RNF169: variants seen among roughly 807,000 people sequenced by gnomAD.
RNF169 encodes E3 ubiquitin-protein ligase RNF169.
Under a neutral mutation model 53.9 loss-of-function variants are expected in RNF169, and 24 were observed. The ratio of observed to expected loss-of-function variants is 0.45; its 90% CI spans 0.32 to 0.63. RNF169 has a LOEUF of 0.63. RNF169 is among the 20% of genes least tolerant of loss of function. The probability of loss-of-function intolerance (pLI) is 0.04; values close to 1 mark genes in which losing one functional copy is unlikely to be tolerated. For missense variants in RNF169, 883 were observed against 906.2 expected (o/e 0.97, Z 0.33); for synonymous variants, 396 against 363.5 (o/e 1.09, Z -1.02).
intron 2 of RNF169, among the ~76,000 whole-genome samples, chr11:74,792,000 T>C (rs1368781900): frequency 6.6e-6 from 1 of 152,234 alleles, no homozygotes; most frequent in African/African-American, 2.4e-5. Flanking sequence ...TTTCACTGAA[T>C]GAAAAATCAG....
In RNF169 at chr11:74,834,779, C is replaced by T. The variant is rs1193616199; in HGVS notation, c.942+4C>T. ...AGTTCCAGGCAACAAAGCCAAGGTACACCTCAGCCACAGACCTCCGGGGCT... is the reference window on the plus strand; with the variant it reads ...AGTTCCAGGCAACAAAGCCAAGGTATACCTCAGCCACAGACCTCCGGGGCT... On this transcript the variant is annotated splice_donor_region_variant and intron_variant, in intron 5 of 5. Transcript: ENST00000299563. 1 of 1,609,074 alleles carries T rather than the reference C, an allele frequency of 6.2e-7. No individual in the cohort carries two copies. The highest frequency in any genetic ancestry group is 2.2e-5 in the East Asian group (1 of 44,832).
chr11:74,821,380 C>T lies in RNF169; in HGVS notation c.842+3666C>T, dbSNP rs1034234702. Among the ~76,000 whole-genome samples, 4 of 130,678 alleles carry T rather than the reference C, an allele frequency of 3.1e-5. 1 individual carries two copies. The highest frequency in any genetic ancestry group is 2.1e-4 in the East Asian group (1 of 4,784). 85.7% of individuals were successfully genotyped at this position (130,678 alleles called of 152,430 possible). On this transcript the variant is annotated intron_variant, in intron 4 of 5. Transcript: ENST00000299563. ...TCAGTAAAAGAATACAAGTGCGGGC[C>T]GGGCGCGGTGGCTCACGCCTGTAAT...
At chr11:74,764,441 G>T (rs1292376851) in intron 1 of RNF169, among the ~76,000 whole-genome samples, 2 of 152,152 alleles carry the variant, frequency 1.3e-5, no homozygotes, top group East Asian at 3.9e-4. Context: ...CAGGAGAATC[G>T]CTGAACCCAG....
At chr11:74,818,063 T>A (rs1415684260) in intron 4 of RNF169, among the ~76,000 whole-genome samples, 1 of 152,184 alleles carries the variant, frequency 6.6e-6, no homozygotes, top group Non-Finnish European at 1.5e-5. Context: ...CAGAACTGAT[T>A]TTCTTTTCAA....
chr11:74,801,875 C>T (rs2035736009), intron 2 of RNF169, among the ~76,000 whole-genome samples: 1 of 152,316 alleles, frequency 6.6e-6, no homozygotes, highest in East Asian at 1.9e-4. Flanking sequence ...CCATTATTAG[C>T]TTGTGAAACC....
At chr11:74,793,924 A>G (rs991824034) in intron 2 of RNF169, among the ~76,000 whole-genome samples, 1 of 152,068 alleles carries the variant, frequency 6.6e-6, no homozygotes, top group Non-Finnish European at 1.5e-5. Context: ...GACCCCTTAT[A>G]TGCTTACTTA....
intron 4 of RNF169, among the ~76,000 whole-genome samples, chr11:74,821,039 G>A (rs1266593241): frequency 2.0e-5 from 3 of 152,188 alleles, no homozygotes; most frequent in Non-Finnish European, 4.4e-5. Flanking sequence ...ACTCATTAGA[G>A]TACAGAGAAG....
At chr11:74,807,723 G>A (rs899284177) in intron 2 of RNF169, 2 of 152,092 alleles carry the variant, frequency 1.3e-5, no homozygotes, top group African/African-American at 2.4e-5. Flanking sequence ...GAACATAGAA[G>A]AGTTCAACAA....
intron 2 of RNF169, among the ~76,000 whole-genome samples, chr11:74,800,744 AAATT>A (rs1271693963): frequency 6.6e-6 from 1 of 152,234 alleles, no homozygotes; most frequent in Non-Finnish European, 1.5e-5. Context: ...TATGAAACAC[AAATT>A]AATTCTCAAT....
At chr11:74,819,689 G>GT (rs1372010986) in intron 4 of RNF169, among the ~76,000 whole-genome samples, 1 of 152,166 alleles carries the variant, frequency 6.6e-6, no homozygotes. Context: ...GCTGATGGCT[G>GT]TTTTTTAGAT....
intron 4 of RNF169, chr11:74,831,558 C>T (rs2036177940): frequency 6.6e-6 from 1 of 152,036 alleles, no homozygotes; most frequent in Admixed American, 6.6e-5. Flanking sequence ...GTTAAGATGG[C>T]AATACTCTTG....
intron 4 of RNF169, among the ~76,000 whole-genome samples, chr11:74,819,100 C>T (rs1280422406): frequency 6.6e-6 from 1 of 151,298 alleles, no homozygotes; most frequent in Admixed American, 6.6e-5. Context: ...TGTAGTAATG[C>T]CGGTAATGCC....
intron 2 of RNF169, among the ~76,000 whole-genome samples, chr11:74,804,818 A>G (rs1334380998): frequency 6.6e-6 from 1 of 152,228 alleles, no homozygotes; most frequent in Non-Finnish European, 1.5e-5. Context: ...TGTATCTAAC[A>G]ATGGACTTAT....
intron 3 of RNF169, among the ~76,000 whole-genome samples, chr11:74,812,713 C>T (rs1365986170): frequency 6.6e-6 from 1 of 151,986 alleles, no homozygotes; most frequent in African/African-American, 2.4e-5. Flanking sequence ...AAATTGAGAC[C>T]CAAAAGAATC....
chr11:74,794,401 A>G (rs1185224051), intron 2 of RNF169, among the ~76,000 whole-genome samples: 1 of 152,220 alleles, frequency 6.6e-6, no homozygotes, highest in South Asian at 2.1e-4. Context: ...TGTGATAGTG[A>G]AAGAGTTAGT....
chr11:74,813,656 GTTT>G (rs1181255303), intron 3 of RNF169, among the ~76,000 whole-genome samples: 1 of 152,088 alleles, frequency 6.6e-6, no homozygotes, highest in Non-Finnish European at 1.5e-5. Flanking sequence ...ACCATATATT[GTTT>G]TTCTTTTCAG....
At chr11:74,786,107 AT>A (rs1401736898) in intron 1 of RNF169, among the ~76,000 whole-genome samples, 4 of 151,178 alleles carry the variant, frequency 2.6e-5, no homozygotes, top group African/African-American at 9.7e-5. Context: ...CACCTGGCTA[AT>A]TTTTGTATTT....
intron 2 of RNF169, among the ~76,000 whole-genome samples, chr11:74,806,436 A>T (rs1426349345): frequency 6.6e-6 from 1 of 152,116 alleles, no homozygotes; most frequent in African/African-American, 2.4e-5. Flanking sequence ...GTACCTTATG[A>T]CTCAGCAGTT....
intron 4 of RNF169, among the ~76,000 whole-genome samples, chr11:74,818,124 A>G (rs2035963094): frequency 6.6e-6 from 1 of 152,186 alleles, no homozygotes; most frequent in African/African-American, 2.4e-5. Flanking sequence ...CAAACTGAAA[A>G]GTTTTTAAGA....
Sources: allele counts gnomAD v4.1 joint callset (sites outside exome capture counted in the v4.1 genomes callset), GRCh38; gene constraint gnomAD v4.1.1; transcripts MANE v1.5; gene names NCBI Gene and HGNC (gene_info 2026-07-23, HGNC 2026-07-21).